The following TANC1 variants were observed in gnomAD, a reference collection of about 807,000 sequenced individuals.
TANC1 encodes tetratricopeptide repeat, ankyrin repeat and coiled-coil containing 1.
TANC1 carries 77 observed loss-of-function variants against 149.7 expected under a neutral mutation model. The observed-to-expected ratio is 0.51, with a 90% CI of 0.43 to 0.62. TANC1 has a LOEUF of 0.62. Ranked by LOEUF, TANC1 falls within the 20% of genes least tolerant of loss-of-function variation. The pLI, the probability that TANC1 is intolerant of heterozygous loss-of-function variation, is 0.00. For missense variants in TANC1, 1,985 were observed against 2,321.8 expected, an observed-to-expected ratio of 0.85 and a Z score of 2.98; for synonymous variants, 854 against 925.0, an observed-to-expected ratio of 0.92 and a Z score of 1.39.
At chr2:159,055,821 C>G (rs796082020) in intron 2 of TANC1, among the ~76,000 whole-genome samples, 67 of 152,324 alleles carry the variant, frequency 4.4e-4, no homozygotes, top group African/African-American at 1.6e-3. Context: ...TGGACCATCC[C>G]TGGATGGTTC....
At chr2:159,013,764 G>C (rs2037999093) in intron 2 of TANC1, among the ~76,000 whole-genome samples, 1 of 152,176 alleles carries the variant, frequency 6.6e-6, no homozygotes, top group Non-Finnish European at 1.5e-5. Flanking sequence ...TGTATTAGTT[G>C]CTAGGGTGGC....
At chr2:159,018,331 C>G (rs190213122) in intron 2 of TANC1, among the ~76,000 whole-genome samples, 1 of 152,154 alleles carries the variant, frequency 6.6e-6, no homozygotes, top group African/African-American at 2.4e-5. Flanking sequence ...ACTGCGCTTC[C>G]CAACCATTAT....
rs185966665 is a variant in TANC1, at chr2:159,214,000, C to T, written c.3245-3497C>T. The stretch of plus-strand genomic sequence containing the variant: ...AATCAGCCGGGCTTGGGGGCTCGTG[C>T]CTGTAATCCCAGCTACTTGGGAGGC... On this transcript the variant is annotated intron_variant, in intron 19 of 26. Coordinates refer to ENST00000263635, the MANE Select transcript of TANC1 (RefSeq NM_033394.3). Among the ~76,000 whole-genome samples, 708 of 151,898 alleles carry T rather than the reference C, an allele frequency of 4.7e-3. 8 individuals carry two copies. The highest frequency in any genetic ancestry group is 0.016 in the African/African-American group (677 of 41,398).
At chr2:159,201,525 C>T (rs1298883551) in intron 19 of TANC1, among the ~76,000 whole-genome samples, 3 of 152,134 alleles carry the variant, frequency 2.0e-5, no homozygotes, top group South Asian at 2.1e-4. Context: ...CATTGTTGCT[C>T]GTTGCTATAG....
At chr2:159,086,673 A>G (rs2044894087) in intron 3 of TANC1, among the ~76,000 whole-genome samples, 1 of 152,334 alleles carries the variant, frequency 6.6e-6, no homozygotes, top group East Asian at 1.9e-4. Context: ...TGGAAAATAA[A>G]GTATATTTTA....
Position 159,231,970 on chromosome 2 carries a change from G to C in TANC1, c.*958G>C, listed in dbSNP as rs1232072055. 1 of 152,496 alleles carries C rather than the reference G, an allele frequency of 6.6e-6. No homozygotes were observed. The highest frequency in any genetic ancestry group is 1.5e-5 in the Non-Finnish European group (1 of 68,008). The allele number at this position is 152,496 out of a possible 1,614,324, so 9.4% of individuals were successfully genotyped here. ...CATGTTGTATATATTAAATAGCCCA[G>C]TTTTATTCAGACTTGTAAATAGAAC... On this transcript the variant is annotated 3_prime_UTR_variant, in exon 27 of 27. Coordinates refer to ENST00000263635, the MANE Select transcript of TANC1 (RefSeq NM_033394.3).
At chr2:159,149,316 A>G in intron 6 of TANC1, 44 bp downstream of exon 6, 2 of 1,613,296 alleles carry the variant, frequency 1.2e-6, no homozygotes, top group Non-Finnish European at 1.7e-6. Flanking sequence ...TCTTCAGAGG[A>G]TGAACGAAGC....
At position 159,175,042 on chromosome 2, in the gene TANC1, G is replaced by A. The variant is rs2055693008; in HGVS notation, c.1593G>A (p.Arg531=). Residue 531 remains arginine (R), a synonymous_variant, in exon 12 of 27, where the codon CGG becomes CGA. Coordinates refer to ENST00000263635, the MANE Select transcript of TANC1 (RefSeq NM_033394.3). ...FVHSIAALLC[R]SHQLAAYRDL... The stretch of plus-strand genomic sequence containing the variant: ...ACAGCATCGCAGCTTTGCTCTGCCG[G>A]TCCCATCAGCTGGCCGCCTACAGAG... 3.1e-6 allele frequency: 5 copies of A among 1,614,076 alleles called. No homozygotes were observed. In the South Asian group the frequency reaches 3.3e-5, roughly 11 times the overall value.
rs771591814 is a variant in TANC1, at chr2:159,219,660, G to A, written c.3503-32G>A. On this transcript the variant is annotated intron_variant, in intron 21 of 26. Transcript: ENST00000263635. ...CTTTCTGGCTTTGTCATCTCATAAT[G>A]TTCATGTTCTGTGAATGGGCTTTCC... 8 of 1,613,658 alleles carry A rather than the reference G, an allele frequency of 5.0e-6. No homozygotes were observed. In the Admixed American group the frequency reaches 1.2e-4, roughly 24 times the overall value.
intron 3 of TANC1, among the ~76,000 whole-genome samples, chr2:159,095,299 T>C (rs1266606601): frequency 5.3e-5 from 8 of 152,188 alleles, no homozygotes. Context: ...ATTTGGGCAG[T>C]GAGTGATAAA....
chr2:159,223,284 TGCTTTTTTTAATAGTA>T (rs2059815097), intron 22 of TANC1, among the ~76,000 whole-genome samples: 1 of 152,110 alleles, frequency 6.6e-6, no homozygotes. Context: ...ATGTCTGAGG[TGCTTTTTTTAATAGTA>T]GCTTTTTTTT....
At chr2:159,190,468 A>C (rs909814889) in intron 16 of TANC1, among the ~76,000 whole-genome samples, 1 of 152,112 alleles carries the variant, frequency 6.6e-6, no homozygotes, top group Admixed American at 6.5e-5. Context: ...ATAAAATCCT[A>C]TTTCTTCAGC....
At chr2:159,192,351 G>T (rs1228510634) in intron 16 of TANC1, among the ~76,000 whole-genome samples, 2 of 151,994 alleles carry the variant, frequency 1.3e-5, no homozygotes, top group Non-Finnish European at 2.9e-5. Context: ...GTCTTGCCAT[G>T]TTGCCCATGT....
chr2:159,167,425 C>T (rs2054715671), intron 8 of TANC1, among the ~76,000 whole-genome samples: 1 of 152,186 alleles, frequency 6.6e-6, no homozygotes, highest in African/African-American at 2.4e-5. Flanking sequence ...ATTTTATACA[C>T]CCTACTTATG....
intron 12 of TANC1, among the ~76,000 whole-genome samples, chr2:159,176,031 G>A (rs2055822712): frequency 6.6e-6 from 1 of 152,144 alleles, no homozygotes; most frequent in Non-Finnish European, 1.5e-5. Flanking sequence ...TTGGGCCTCT[G>A]TATGTGTTCA....
At chr2:159,009,591 G>A (rs1303783266) in intron 2 of TANC1, among the ~76,000 whole-genome samples, 1 of 152,158 alleles carries the variant, frequency 6.6e-6, no homozygotes, top group East Asian at 1.9e-4. Context: ...TAGAGGCTGG[G>A]AAGTTTTGGA....
At chr2:159,181,283 C>T (rs180776040) in intron 14 of TANC1, among the ~76,000 whole-genome samples, 2 of 151,576 alleles carry the variant, frequency 1.3e-5, no homozygotes, top group African/African-American at 2.4e-5. Context: ...CTTCACTATA[C>T]CCTCATTGGA....
At chr2:159,085,236 G>A (rs762640839) in intron 3 of TANC1, among the ~76,000 whole-genome samples, 3 of 152,204 alleles carry the variant, frequency 2.0e-5, no homozygotes, top group Admixed American at 6.5e-5. Context: ...TCCACTTCCC[G>A]TTTGACTGTC....
intron 2 of TANC1, chr2:159,056,943 C>G (rs577344323): frequency 4.4e-6 from 1 of 225,562 alleles, no homozygotes; most frequent in African/African-American, 2.3e-5. Context: ...TGTGCCAGCC[C>G]GCAAATATTC....
Sources: gnomAD v4.1 joint callset for allele counts (sites outside exome capture counted in the v4.1 genomes callset) on GRCh38, gnomAD v4.1.1 for gene constraint, MANE v1.5 for transcripts, NCBI Gene and HGNC (gene_info 2026-07-23, HGNC 2026-07-21) for gene names.